Variants in MAPK4 observed in about 807,000 individuals in gnomAD.
MAPK4 encodes the protein Erk3-related.
A neutral mutation model predicts 47.7 loss-of-function variants in MAPK4; 22 were observed. The ratio of observed to expected loss-of-function variants is 0.46; its 90% CI spans 0.33 to 0.66. MAPK4 has a LOEUF of 0.66. MAPK4 is among the 30% of genes least tolerant of loss of function. The pLI, the probability that MAPK4 is intolerant of heterozygous loss-of-function variation, is 0.02. For missense variants in MAPK4, 736 were observed against 831.7 expected, an observed-to-expected ratio of 0.88 and a Z score of 1.42; for synonymous variants, 390 against 365.7, an observed-to-expected ratio of 1.07 and a Z score of -0.76.
chr18:50,566,957 T>C (rs1470119358), intron 1 of MAPK4, among the ~76,000 whole-genome samples: 1 of 152,230 alleles, frequency 6.6e-6, no homozygotes, highest in Non-Finnish European at 1.5e-5. Context: ...GACCATATTG[T>C]ACATATAATT....
At chr18:50,647,518 T>A (rs1036838501) in intron 1 of MAPK4, among the ~76,000 whole-genome samples, 2 of 152,222 alleles carry the variant, frequency 1.3e-5, no homozygotes, top group African/African-American at 4.8e-5. Flanking sequence ...TCTTCTAAGC[T>A]GGTCTTCCTA....
intron 1 of MAPK4, among the ~76,000 whole-genome samples, chr18:50,641,079 G>T (rs1441429354): frequency 6.6e-6 from 1 of 152,196 alleles, no homozygotes; most frequent in Non-Finnish European, 1.5e-5. Flanking sequence ...GGGGAGAGTT[G>T]AGTGAGAAGT....
At chr18:50,567,591 T>C (rs1014297695) in intron 1 of MAPK4, among the ~76,000 whole-genome samples, 1 of 152,240 alleles carries the variant, frequency 6.6e-6, no homozygotes, top group Non-Finnish European at 1.5e-5. Context: ...CTATAAATGA[T>C]GAAATTTCAC....
intron 1 of MAPK4, among the ~76,000 whole-genome samples, chr18:50,591,550 C>T (rs1190024798): frequency 2.0e-5 from 3 of 149,438 alleles, no homozygotes; most frequent in Non-Finnish European, 4.4e-5. Flanking sequence ...CTAGTGTGGC[C>T]GAGGGGCAGC....
chr18:50,613,539 T>A (rs2149378501), intron 1 of MAPK4, among the ~76,000 whole-genome samples: 1 of 152,344 alleles, frequency 6.6e-6, no homozygotes, highest in East Asian at 1.9e-4. Flanking sequence ...AACTAAATTG[T>A]GTCTACACTC....
intron 1 of MAPK4, among the ~76,000 whole-genome samples, chr18:50,592,999 G>T (rs190511900): frequency 3.3e-4 from 50 of 152,204 alleles, no homozygotes; most frequent in African/African-American, 1.2e-3. Flanking sequence ...TAAGTCATTC[G>T]TCCCACACTA....
At chr18:50,682,799 G>A (rs182254258) in intron 2 of MAPK4, among the ~76,000 whole-genome samples, 3 of 152,332 alleles carry the variant, frequency 2.0e-5, no homozygotes, top group Non-Finnish European at 4.4e-5. Flanking sequence ...GTTCATCACA[G>A]CTTTTCCATA....
chr18:50,572,636 A>G (rs1568031098), intron 1 of MAPK4, among the ~76,000 whole-genome samples: 1 of 152,206 alleles, frequency 6.6e-6, no homozygotes, highest in Non-Finnish European at 1.5e-5. Context: ...GAGGCAGTAA[A>G]AAAAAGTCCG....
chr18:50,659,731 G>T (rs906823146), intron 1 of MAPK4, among the ~76,000 whole-genome samples: 1 of 152,168 alleles, frequency 6.6e-6, no homozygotes, highest in African/African-American at 2.4e-5. Context: ...CCATGGAATC[G>T]TGGGGACCTT....
chr18:50,585,804 A>G (rs1230176427), intron 1 of MAPK4, among the ~76,000 whole-genome samples: 2 of 152,200 alleles, frequency 1.3e-5, no homozygotes, highest in African/African-American at 4.8e-5. Context: ...GCAGAAGGTA[A>G]ACCAAACATG....
At chr18:50,594,825 C>T (rs1465206283) in intron 1 of MAPK4, among the ~76,000 whole-genome samples, 1 of 152,110 alleles carries the variant, frequency 6.6e-6, no homozygotes, top group African/African-American at 2.4e-5. Flanking sequence ...ATTTGTAATA[C>T]ATAAAAATCA....
chr18:50,655,537 C>T (rs1266920053), intron 1 of MAPK4, among the ~76,000 whole-genome samples: 1 of 152,156 alleles, frequency 6.6e-6, no homozygotes, highest in Non-Finnish European at 1.5e-5. Context: ...TCCACACGAA[C>T]CACTGCAGCC....
chr18:50,662,357 C>G (rs181179227), intron 1 of MAPK4, among the ~76,000 whole-genome samples: 218 of 152,286 alleles, frequency 1.4e-3, no homozygotes, highest in African/African-American at 4.9e-3. Flanking sequence ...CAACAGCCAC[C>G]AGAGGGCAGG....
At chr18:50,662,295 A>G (rs992809541) in intron 1 of MAPK4, among the ~76,000 whole-genome samples, 8 of 152,164 alleles carry the variant, frequency 5.3e-5, no homozygotes, top group Middle Eastern at 3.2e-3. Context: ...TTACATGTCT[A>G]GTTTTGCAGG....
At chr18:50,674,357 G>T (rs1409304545) in intron 2 of MAPK4, among the ~76,000 whole-genome samples, 1 of 152,220 alleles carries the variant, frequency 6.6e-6, no homozygotes, top group Admixed American at 6.5e-5. Flanking sequence ...GCGGTAGCCT[G>T]TTGAGAAGAC....
chr18:50,587,150 C>G (rs1285475798), intron 1 of MAPK4, among the ~76,000 whole-genome samples: 1 of 152,076 alleles, frequency 6.6e-6, no homozygotes, highest in South Asian at 2.1e-4. Context: ...GAATGTGTCC[C>G]CTCCAAATTC....
chr18:50,603,458 C>T (rs111400278), intron 1 of MAPK4, among the ~76,000 whole-genome samples: 1 of 152,138 alleles, frequency 6.6e-6, no homozygotes, highest in Non-Finnish European at 1.5e-5. Flanking sequence ...TCCTCCTAAA[C>T]TCTCCTATGT....
At chr18:50,594,310 A>G (rs1237859930) in intron 1 of MAPK4, among the ~76,000 whole-genome samples, 1 of 152,178 alleles carries the variant, frequency 6.6e-6, no homozygotes, top group Non-Finnish European at 1.5e-5. Flanking sequence ...CAGACACACC[A>G]AGAAACAATA....
rs78958564 is a variant in MAPK4, at chr18:50,699,943, G to A, written c.547-15136G>A. ...GTTCTCAGGACATGTCACCTTCTTA[G>A]CACATGGGTATGTATCATCAACCAG... On this transcript the variant is annotated intron_variant, in intron 2 of 5. Transcript: ENST00000400384. 2.2e-3 allele frequency among the ~76,000 whole-genome samples: 329 copies of A among 152,284 alleles called. 1 individual carries two copies. The highest frequency in any genetic ancestry group is 3.6e-3 in the Non-Finnish European group (248 of 68,024).
Sources: allele counts gnomAD v4.1 joint callset (sites outside exome capture counted in the v4.1 genomes callset), GRCh38; gene constraint gnomAD v4.1.1; transcripts MANE v1.5; gene names NCBI Gene and HGNC (gene_info 2026-07-23, HGNC 2026-07-21).